Variants in CFAP96 observed in about 807,000 individuals in gnomAD.
CFAP96 encodes the protein cilia-and flagella-associated protein 96.
the CFAP96 span, among the ~76,000 whole-genome samples, chr4:185,414,957 C>A: frequency 1.3e-5 from 2 of 152,166 alleles, no homozygotes; most frequent in African/African-American, 2.4e-5. Context: ...CATATAGGTT[C>A]AACATAACAT....
the CFAP96 span, among the ~76,000 whole-genome samples, chr4:185,448,826 C>G: frequency 1.3e-5 from 2 of 151,976 alleles, no homozygotes; most frequent in African/African-American, 4.8e-5. Flanking sequence ...CCTCTTCTAT[C>G]CAGAGAATAA....
chr4:185,426,978 C>T, the CFAP96 span, among the ~76,000 whole-genome samples: 1 of 149,352 alleles, frequency 6.7e-6, no homozygotes, highest in South Asian at 2.1e-4. Flanking sequence ...ACAGGAGAAT[C>T]GCTTGAACCC....
the CFAP96 span, among the ~76,000 whole-genome samples, chr4:185,439,926 T>TATATACATATATGTATCATATATATG: frequency 6.9e-6 from 1 of 144,804 alleles, no homozygotes; most frequent in South Asian, 2.1e-4. Context: ...ATATATATGA[T>TATATACATATATGTATCATATATATG]ATATATACAT....
chr4:185,432,265 T>A, the CFAP96 span: 1 of 1,278,224 alleles, frequency 7.8e-7, no homozygotes, highest in East Asian at 2.5e-5. Flanking sequence ...AATTAAATAT[T>A]TGTTTTTCTG....
the CFAP96 span, among the ~76,000 whole-genome samples, chr4:185,424,127 C>A: frequency 1.5e-5 from 2 of 131,558 alleles, no homozygotes; most frequent in East Asian, 4.8e-4. Context: ...CATAGGAAGA[C>A]CCCCATCTCT....
At chr4:185,415,180 T>C in the CFAP96 span, 1 of 1,601,556 alleles carries the variant, frequency 6.2e-7, no homozygotes, top group Non-Finnish European at 8.5e-7. Context: ...CAGCTGGCCA[T>C]CTGGTATTCC....
At chr4:185,422,458 TAAA>T in the CFAP96 span, 2 of 1,559,976 alleles carry the variant, frequency 1.3e-6, no homozygotes, top group Non-Finnish European at 1.7e-6. Context: ...AATTTTCTAA[TAAA>T]AAAGAATTTT....
the CFAP96 span, chr4:185,429,269 C>T: frequency 3.9e-6 from 2 of 507,186 alleles, no homozygotes; most frequent in South Asian, 7.2e-5. Flanking sequence ...GTAATTAGAA[C>T]TGGAAATTAG....
At chr4:185,425,502 G>T in the CFAP96 span, among the ~76,000 whole-genome samples, 3 of 152,160 alleles carry the variant, frequency 2.0e-5, no homozygotes, top group African/African-American at 7.2e-5. Context: ...AGAAACCAGG[G>T]GAGGGAAATA....
At chr4:185,443,342 A>ATTTTTTTTTTTTTTTTTTT in the CFAP96 span, among the ~76,000 whole-genome samples, 1 of 26,730 alleles carries the variant, frequency 3.7e-5, no homozygotes, top group South Asian at 2.1e-3. Flanking sequence ...ATATATATAT[A>ATTTTTTTTTTTTTTTTTTT]TTTTTTTTTT....
chr4:185,411,204 C>A, the CFAP96 span, among the ~76,000 whole-genome samples: 1 of 150,492 alleles, frequency 6.6e-6, no homozygotes, highest in Admixed American at 6.6e-5. Context: ...TATATTAAAA[C>A]CTAGGTAAAT....
At chr4:185,445,842 T>C in the CFAP96 span, among the ~76,000 whole-genome samples, 2 of 152,206 alleles carry the variant, frequency 1.3e-5, no homozygotes, top group African/African-American at 4.8e-5. Context: ...AAAGGTGTAT[T>C]TCTTTTTTAT....
the CFAP96 span, among the ~76,000 whole-genome samples, chr4:185,447,237 A>C: frequency 3.3e-5 from 5 of 151,158 alleles, no homozygotes; most frequent in Admixed American, 3.3e-4. Flanking sequence ...GCTGGAATGC[A>C]GTGGCACGAT....
At chr4:185,437,460 T>C in the CFAP96 span, among the ~76,000 whole-genome samples, 1 of 152,224 alleles carries the variant, frequency 6.6e-6, no homozygotes, top group Non-Finnish European at 1.5e-5. Flanking sequence ...AATCACTTTG[T>C]AGTTTTTTGT....
the CFAP96 span, among the ~76,000 whole-genome samples, chr4:185,438,330 C>G: frequency 6.6e-6 from 1 of 152,092 alleles, no homozygotes; most frequent in Non-Finnish European, 1.5e-5. Flanking sequence ...GCTGCATCTT[C>G]AAACTCACCA....
the CFAP96 span, chr4:185,449,826 A>G: frequency 4.6e-6 from 2 of 437,734 alleles, no homozygotes; most frequent in Non-Finnish European, 8.3e-6. Flanking sequence ...TTTGCTAATA[A>G]CACGTGGTTG....
chr4:185,443,342 ATT>A, the CFAP96 span, among the ~76,000 whole-genome samples: 1,057 of 26,688 alleles, frequency 0.04, 26 homozygotes, highest in African/African-American at 0.11. Flanking sequence ...ATATATATAT[ATT>A]TTTTTTTTTT....
chr4:185,409,169 C>T, the CFAP96 span, among the ~76,000 whole-genome samples: 1 of 152,010 alleles, frequency 6.6e-6, no homozygotes, highest in Non-Finnish European at 1.5e-5. Context: ...AATGAAGGGT[C>T]CATATCATGG....
At chr4:185,429,282 ACCAC>A in the CFAP96 span, 1 of 520,226 alleles carries the variant, frequency 1.9e-6, no homozygotes, top group African/African-American at 2.3e-5. Context: ...GAAATTAGTA[ACCAC>A]TTTTTTCTAA....
Sources: allele counts gnomAD v4.1 joint callset (sites outside exome capture counted in the v4.1 genomes callset), GRCh38; gene constraint gnomAD v4.1.1; transcripts MANE v1.5; gene names NCBI Gene and HGNC (gene_info 2026-07-23, HGNC 2026-07-21).